Variants in POPDC1 observed in about 807,000 individuals in gnomAD.
POPDC1 encodes the protein popeye domain cAMP effector 1, also known as popeye domain-containing protein 1.
the POPDC1 span, among the ~76,000 whole-genome samples, chr6:105,107,013 C>T: frequency 6.6e-6 from 1 of 152,038 alleles, no homozygotes; most frequent in Non-Finnish European, 1.5e-5. Context: ...TATAGTCATC[C>T]TGTTGTGCTA....
chr6:105,129,491 T>G, the POPDC1 span: 2 of 1,610,680 alleles, frequency 1.2e-6, no homozygotes, highest in Non-Finnish European at 1.7e-6. Flanking sequence ...CCAGACGATA[T>G]AAAGGGTACA....
the POPDC1 span, chr6:105,124,571 C>G: frequency 6.2e-7 from 1 of 1,610,342 alleles, no homozygotes; most frequent in East Asian, 2.2e-5. Context: ...CTTTGTGCAT[C>G]TGAGTTGATC....
the POPDC1 span, among the ~76,000 whole-genome samples, chr6:105,105,515 A>G: frequency 2.0e-5 from 3 of 152,242 alleles, no homozygotes; most frequent in African/African-American, 7.2e-5. Context: ...CCTGGCCCCT[A>G]GACATGGGGC....
chr6:105,115,099 A>G, the POPDC1 span, among the ~76,000 whole-genome samples: 2 of 152,178 alleles, frequency 1.3e-5, no homozygotes, highest in Non-Finnish European at 2.9e-5. Flanking sequence ...ACTATTTTTT[A>G]TTTTTGAGAC....
chr6:105,130,731 C>T, the POPDC1 span, among the ~76,000 whole-genome samples: 2 of 152,094 alleles, frequency 1.3e-5, no homozygotes, highest in African/African-American at 4.8e-5. Flanking sequence ...TTGAATACTG[C>T]AGGCAATTAT....
the POPDC1 span, among the ~76,000 whole-genome samples, chr6:105,133,826 AT>A: frequency 6.6e-6 from 1 of 152,216 alleles, no homozygotes; most frequent in Non-Finnish European, 1.5e-5. Flanking sequence ...AATGAAATAC[AT>A]AAAATACTTA....
At chr6:105,100,428 T>C in the POPDC1 span, 1 of 151,430 alleles carries the variant, frequency 6.6e-6, no homozygotes, top group African/African-American at 2.4e-5. Flanking sequence ...GAGAGTGGCG[T>C]GAATCCAGGA....
At chr6:105,096,914 A>G in the POPDC1 span, 1 of 152,708 alleles carries the variant, frequency 6.5e-6, no homozygotes, top group Non-Finnish European at 1.5e-5. Context: ...ATCTTTTTAT[A>G]AAGTAAGTGT....
chr6:105,109,203 C>T, the POPDC1 span, among the ~76,000 whole-genome samples: 24 of 152,110 alleles, frequency 1.6e-4, no homozygotes, highest in Non-Finnish European at 3.4e-4. Flanking sequence ...AGTGATTTGC[C>T]CGCCTTGGCC....
chr6:105,124,441 G>GT, the POPDC1 span: 3 of 611,256 alleles, frequency 4.9e-6, no homozygotes, highest in South Asian at 4.8e-5. Context: ...ATGGTAACTT[G>GT]TTTTTCCCCC....
At chr6:105,097,480 C>CT in the POPDC1 span, 1 of 152,306 alleles carries the variant, frequency 6.6e-6, no homozygotes, top group African/African-American at 2.4e-5. Context: ...GACCTGCATG[C>CT]CAGGTGCTTG....
chr6:105,120,765 A>T, the POPDC1 span, among the ~76,000 whole-genome samples: 2 of 152,244 alleles, frequency 1.3e-5, no homozygotes, highest in Admixed American at 6.5e-5. Context: ...GGGATCTGCC[A>T]CATGTGCTAG....
the POPDC1 span, among the ~76,000 whole-genome samples, chr6:105,122,110 T>G: frequency 6.6e-6 from 1 of 152,218 alleles, no homozygotes; most frequent in African/African-American, 2.4e-5. Flanking sequence ...TAACAGCTAT[T>G]TATTACTCTT....
At chr6:105,106,990 T>C in the POPDC1 span, among the ~76,000 whole-genome samples, 4 of 152,284 alleles carry the variant, frequency 2.6e-5, no homozygotes, top group Admixed American at 2.0e-4. Flanking sequence ...TAAAAATGTA[T>C]ATTATTTTTT....
At chr6:105,099,663 C>T in the POPDC1 span, 2 of 152,308 alleles carry the variant, frequency 1.3e-5, no homozygotes, top group Non-Finnish European at 2.9e-5. Flanking sequence ...GGAATCAAGG[C>T]CCTCACTGCA....
At chr6:105,133,440 A>T in the POPDC1 span, 7 of 1,613,926 alleles carry the variant, frequency 4.3e-6, no homozygotes, top group South Asian at 5.5e-5. Context: ...TATTTGCTAC[A>T]TGAAAAACCA....
At chr6:105,123,053 T>C in the POPDC1 span, among the ~76,000 whole-genome samples, 12 of 152,228 alleles carry the variant, frequency 7.9e-5, no homozygotes, top group African/African-American at 2.7e-4. Flanking sequence ...TGTTCTTTTA[T>C]CTCCAATTTT....
At chr6:105,097,831 C>T in the POPDC1 span, 2 of 152,096 alleles carry the variant, frequency 1.3e-5, no homozygotes, top group Admixed American at 6.5e-5. Context: ...GAGAAGATTC[C>T]AGAGTGTCAG....
chr6:105,100,176 C>G, the POPDC1 span: 1 of 151,940 alleles, frequency 6.6e-6, no homozygotes, highest in Non-Finnish European at 1.5e-5. Flanking sequence ...AAAAATAAAA[C>G]CAGTCAAATC....
Sources: allele counts gnomAD v4.1 joint callset (sites outside exome capture counted in the v4.1 genomes callset), GRCh38; gene constraint gnomAD v4.1.1; transcripts MANE v1.5; gene names NCBI Gene and HGNC (gene_info 2026-07-23, HGNC 2026-07-21).